The following NRBP1 variants were observed in gnomAD, a reference collection of about 807,000 sequenced individuals.
The protein encoded by NRBP1 is nuclear receptor binding protein 1, also known as nuclear receptor-binding protein.
NRBP1 carries 10 observed loss-of-function variants against 76.0 expected under a neutral mutation model. That is an observed-to-expected ratio of 0.13 (90% CI 0.08 to 0.22). NRBP1 has a LOEUF of 0.22. Ranked by LOEUF, NRBP1 falls within the 10% of genes least tolerant of loss-of-function variation. The probability of loss-of-function intolerance (pLI) is 1.00; values close to 1 mark genes in which losing one functional copy is unlikely to be tolerated. For missense variants in NRBP1, 344 were observed against 646.0 expected (o/e 0.53, Z 5.07); for synonymous variants, 235 against 240.2 (o/e 0.98, Z 0.20).
At chr2:27,441,506 C>T (rs1664559178) in intron 16 of NRBP1, 61 bp from the exon 17 acceptor site, 1 of 1,575,602 alleles carries the variant, frequency 6.3e-7, no homozygotes, top group Non-Finnish European at 8.7e-7. Context: ...GTGGGGCTGT[C>T]TGAAGGGCCC....
rs762217941 is a variant in NRBP1, at chr2:27,434,124, T to C, written c.435+34T>C. On this transcript the variant is annotated intron_variant, in intron 4 of 17. Transcript: ENST00000379852. ...TTTTTCCCCATATTTCCTGAACTTA[T>C]TGCAAAGAGACTAGCTACATTTATT... 1.4e-5 allele frequency: 20 copies of C among 1,459,602 alleles called. No homozygotes were observed. In the African/African-American group the frequency reaches 1.4e-4, roughly 10 times the overall value. The allele number at this position is 1,459,602 out of a possible 1,614,324, so 90.4% of individuals were successfully genotyped here.
At chr2:27,432,919 C>T (rs1664160387) in intron 1 of NRBP1, among the ~76,000 whole-genome samples, 1 of 151,950 alleles carries the variant, frequency 6.6e-6, no homozygotes, top group African/African-American at 2.4e-5. Flanking sequence ...TGCTCTGTCA[C>T]CCAGGCTGGA....
Position 27,439,893 on chromosome 2 carries a change from A to G in NRBP1, c.1031A>G (p.His344Arg). The G allele has an allele frequency of 6.2e-7, 1 of 1,610,180 alleles. No individual in the cohort carries two copies. The highest frequency in any genetic ancestry group is 8.5e-7 in the Non-Finnish European group (1 of 1,178,028). The change falls in exon 11 of 18, where the codon CAC becomes CGC. Residue 344 changes from histidine (H) to arginine (R), a missense_variant. Around this residue, in one of 3 missense-constraint regions of NRBP1, gnomAD observed 218 missense variants for 309.8 expected, o/e 0.70. Coordinates refer to ENST00000379852, the MANE Select transcript of NRBP1 (RefSeq NM_013392.4). Reference sequence around the variant, plus strand: ...CTTGCGGCCCACTGCATTGTGGGACACCAACGTGAGTCGTCTTGGCCCTAT... The same window carrying G: ...CTTGCGGCCCACTGCATTGTGGGACGCCAACGTGAGTCGTCTTGGCCCTAT... ...KLLAAHCIVG[H>R]QHMIPENALE...
chr2:27,434,873 A>G, intron 6 of NRBP1, 111 bp downstream of exon 6: 1 of 1,156,334 alleles, frequency 8.6e-7, no homozygotes, highest in Non-Finnish European at 1.3e-6. Context: ...CTTTCTTTGA[A>G]TCATATACTG....
Position 27,441,897 on chromosome 2 carries a change from T to C in NRBP1, c.*85T>C. 1.2e-6 allele frequency: 1 copy of C among 806,162 alleles called. No individual in the cohort carries two copies. Among genetic ancestry groups the C allele is most frequent in the Non-Finnish European group, 2.1e-6 (1 of 481,322 alleles). The allele number at this position is 806,162 out of a possible 1,614,324, so 49.9% of individuals were successfully genotyped here. On this transcript the variant is annotated 3_prime_UTR_variant, in exon 18 of 18. Coordinates refer to ENST00000379852, the MANE Select transcript of NRBP1 (RefSeq NM_013392.4). ...TCCTGTCCCTTCCCCCCAGTCAGTA[T>C]TACCCTGTGAAGCCCCTTCCCTCCT...
chr2:27,428,975 G>GCGCGGGTCGGGAGGCCCTGGCGTT (rs1287153610), intron 1 of NRBP1, among the ~76,000 whole-genome samples: 2 of 151,842 alleles, frequency 1.3e-5, no homozygotes, highest in Non-Finnish European at 2.9e-5. Context: ...GATTCTGCGG[G>GCGCGGGTCGGGAGGCCCTGGCGTT]CGCGGGTCGG....
Position 27,433,460 on chromosome 2 carries a change from C to T in NRBP1, c.187C>T (p.Arg63Cys), listed in dbSNP as rs1664185494. 1 of 1,614,016 alleles carries T rather than the reference C, an allele frequency of 6.2e-7. No homozygotes were observed. Residue 63 changes from arginine to cysteine, a missense_variant, in exon 2 of 18, where the codon CGC (arginine) becomes TGC (cysteine). By Grantham distance (180) the Arg-to-Cys change is radical. Coordinates refer to ENST00000379852, the MANE Select transcript of NRBP1 (RefSeq NM_013392.4). ...SEILEESPCG[R>C]WQKRREEVNQ... Reference sequence around the variant, plus strand: ...GATTTTGGAAGAGTCGCCCTGTGGGCGCTGGCAGAAGAGGCGAGAAGAGGT... The same window carrying T: ...GATTTTGGAAGAGTCGCCCTGTGGGTGCTGGCAGAAGAGGCGAGAAGAGGT...
chr2:27,439,698 G>A, intron 10 of NRBP1, 68 bp from the exon 11 acceptor site: 2 of 1,585,106 alleles, frequency 1.3e-6, no homozygotes, highest in Admixed American at 1.8e-5. Context: ...AGTAGAATGA[G>A]AGCTATAAAG....
At chr2:27,436,496 CTG>C in intron 7 of NRBP1, 1 of 469,388 alleles carries the variant, frequency 2.1e-6, no homozygotes, top group Non-Finnish European at 3.8e-6. Context: ...CCCTGTGTAT[CTG>C]TTAATTTAGT....
chr2:27,434,812 T>C, intron 6 of NRBP1, 50 bp downstream of exon 6: 1 of 1,557,934 alleles, frequency 6.4e-7, no homozygotes, highest in Middle Eastern at 1.7e-4. Flanking sequence ...ATGTAGTTAC[T>C]CCAAACAGAT....
chr2:27,441,074 T>C, intron 14 of NRBP1, 53 bp from the exon 15 acceptor site: 1 of 1,610,054 alleles, frequency 6.2e-7, no homozygotes, highest in Non-Finnish European at 8.5e-7. Flanking sequence ...GACGTCTAGG[T>C]ATTGGGTTTT....
rs754853866 is a variant in NRBP1 at position 27,440,431 on chromosome 2, G to C, written c.1065G>C (p.Glu355Asp). ...QHMIPENALEEITKNMDTSAV... is the reference protein window; with the variant it reads ...QHMIPENALEDITKNMDTSAV... ...TGATCCCAGAGAACGCTCTAGAGGA[G>C]ATCACCAAAAACATGGATACTAGTG... Residue 355 changes from glutamate (E) to aspartate (D), a missense_variant, in exon 12 of 18, where the codon GAG becomes GAC. Glu to Asp is a conservative substitution (Grantham distance 45, BLOSUM62 2). Coordinates refer to ENST00000379852, the MANE Select transcript of NRBP1 (RefSeq NM_013392.4). 3.9e-5 allele frequency: 63 copies of C among 1,613,862 alleles called. No individual in the cohort carries two copies. The highest frequency in any genetic ancestry group is 5.2e-5 in the Non-Finnish European group (61 of 1,179,816).
chr2:27,440,887 C>A lies in NRBP1; in HGVS notation c.1276C>A (p.Pro426Thr). The change falls in exon 14 of 18, where the codon CCC becomes ACC. Residue 426 changes from proline (P) to threonine (T), a missense_variant. Physicochemically the swap from Pro to Thr is conservative, Grantham distance 38 (BLOSUM62 -1). Transcript: ENST00000379852. ...QQEEVTSPVV[P>T]PSVKTPTPEP... ...GGAGGAGGTGACATCACCTGTCGTG[C>A]CCCCCTCTGTCAAGACTCCGACACC... The A allele has an allele frequency of 6.2e-7, 1 of 1,613,896 alleles. No homozygotes were observed. The highest frequency in any genetic ancestry group is 8.5e-7 in the Non-Finnish European group (1 of 1,180,000).
chr2:27,429,539 C>T (rs1435637414), intron 1 of NRBP1, among the ~76,000 whole-genome samples: 1 of 152,192 alleles, frequency 6.6e-6, no homozygotes, highest in African/African-American at 2.4e-5. Flanking sequence ...CGAGAATCCC[C>T]TTATGGGAGT....
At chr2:27,432,390 A>T (rs1293469182) in intron 1 of NRBP1, among the ~76,000 whole-genome samples, 1 of 152,186 alleles carries the variant, frequency 6.6e-6, no homozygotes, top group African/African-American at 2.4e-5. Flanking sequence ...TTAATGTTTC[A>T]GTATTTAGGA....
chr2:27,428,573 G>A, upstream of NRBP1: 2 of 397,216 alleles, frequency 5.0e-6, no homozygotes, highest in Non-Finnish European at 8.9e-6. Context: ...GAAACCTGCC[G>A]GCGGTGCGGC....
At chr2:27,439,067 T>TA (rs920039138) in intron 10 of NRBP1, among the ~76,000 whole-genome samples, 7 of 151,884 alleles carry the variant, frequency 4.6e-5, no homozygotes, top group African/African-American at 1.5e-4. Context: ...GCTTGTGAAA[T>TA]AAAAAAATGG....
In NRBP1 at chr2:27,441,120, T is replaced by C; in HGVS notation, c.1330-7T>C. ...GTCTCTAGAGTGACCCTCTCTTCCCTCCCTAGGTGGTGCTGATGCAGTGCA... is the reference window on the plus strand; with the variant it reads ...GTCTCTAGAGTGACCCTCTCTTCCCCCCCTAGGTGGTGCTGATGCAGTGCA... On this transcript the variant is annotated splice_region_variant and splice_polypyrimidine_tract_variant and intron_variant, in intron 14 of 17. Coordinates refer to ENST00000379852, the MANE Select transcript of NRBP1 (RefSeq NM_013392.4). 6.2e-7 allele frequency: 1 copy of C among 1,613,128 alleles called. No individual in the cohort carries two copies. The highest frequency in any genetic ancestry group is 2.2e-5 in the East Asian group (1 of 44,884).
chr2:27,434,161 T>TA, intron 4 of NRBP1, 71 bp downstream of exon 4: 2 of 1,220,706 alleles, frequency 1.6e-6, no homozygotes, highest in South Asian at 2.6e-5. Flanking sequence ...TTGTTCCTTT[T>TA]ACACTCAGAG....
Sources: allele counts gnomAD v4.1 joint callset (sites outside exome capture counted in the v4.1 genomes callset), GRCh38; gene constraint gnomAD v4.1.1; regional missense constraint gnomAD v4.1.1; transcripts MANE v1.5; gene names NCBI Gene and HGNC (gene_info 2026-07-23, HGNC 2026-07-21).